The following MCMBP variants were observed in gnomAD, a reference collection of about 807,000 sequenced individuals.
MCMBP encodes mini-chromosome maintenance complex-binding protein.
Under a neutral mutation model 81.3 loss-of-function variants are expected in MCMBP, and 31 were observed. The observed-to-expected ratio is 0.38, with a 90% confidence interval of 0.29 to 0.51. MCMBP has a LOEUF of 0.51. MCMBP is among the 20% of genes least tolerant of loss of function. The pLI, the probability that MCMBP is intolerant of heterozygous loss-of-function variation, is 0.87. For synonymous variants in MCMBP, 267 were observed against 275.9 expected, an observed-to-expected ratio of 0.97 and a Z score of 0.32; for missense variants, 645 against 772.1, an observed-to-expected ratio of 0.84 and a Z score of 1.95.
intron 1 of MCMBP, among the ~76,000 whole-genome samples, chr10:119,871,995 C>G (rs1853691175): frequency 6.6e-6 from 1 of 152,188 alleles, no homozygotes; most frequent in African/African-American, 2.4e-5. Context: ...GAAAACTAAG[C>G]TATGAACATT....
chr10:119,842,763 C>G, intron 9 of MCMBP, 168 bp from the exon 10 acceptor site: 1 of 707,080 alleles, frequency 1.4e-6, no homozygotes, highest in Middle Eastern at 4.0e-4. Flanking sequence ...CAGTTTGCAT[C>G]CTCCTTTTTT....
In MCMBP at chr10:119,829,877, T is replaced by C. The variant is rs1181520180; in HGVS notation, c.*1597A>G. On this transcript the variant is annotated 3_prime_UTR_variant, in exon 16 of 16. Transcript: ENST00000369077. ...ACCAAGCAATGTATGTATTTTTCTTTGGTAAATTACAATTTACATTGGCAC... is the reference window on the plus strand; with the variant it reads ...ACCAAGCAATGTATGTATTTTTCTTCGGTAAATTACAATTTACATTGGCAC... The C allele has an allele frequency of 6.6e-6, 1 of 152,358 alleles. No individual in the cohort carries two copies. Among genetic ancestry groups the C allele is most frequent in the Admixed American group, 6.5e-5 (1 of 15,282 alleles). 9.4% of individuals were successfully genotyped at this position (152,358 alleles called of 1,614,324 possible).
At position 119,872,557 on chromosome 10, in the gene MCMBP, G is replaced by A. The variant is rs910656086; in HGVS notation, c.28C>T (p.His10Tyr). 2 of 1,187,360 alleles carry A rather than the reference G, an allele frequency of 1.7e-6. No homozygotes were observed. Among genetic ancestry groups the A allele is most frequent in the Non-Finnish European group, 2.1e-6 (2 of 952,010 alleles). 73.6% of individuals were successfully genotyped at this position (1,187,360 alleles called of 1,614,324 possible). Residue 10 changes from histidine to tyrosine, a missense_variant, in exon 1 of 16, where the codon CAC becomes TAC. Coordinates refer to ENST00000369077, the MANE Select transcript of MCMBP (RefSeq NM_001256378.2). ...AATCCCTGCACGATTCCCAGCGGGTGGCTGAGCCAATCCTCCCCACACGGC... is the reference window on the plus strand; with the variant it reads ...AATCCCTGCACGATTCCCAGCGGGTAGCTGAGCCAATCCTCCCCACACGGC... MPCGEDWLS[H>Y]PLGIVQGFFA...
chr10:119,872,367 G>A (rs1179526742), intron 1 of MCMBP, among the ~76,000 whole-genome samples, 160 bp downstream of exon 1: 2 of 151,966 alleles, frequency 1.3e-5, no homozygotes, highest in Non-Finnish European at 2.9e-5. Flanking sequence ...GACCGGGGGA[G>A]AGGCTGTCCC....
chr10:119,842,767 CTTTT>C (rs71019726), intron 9 of MCMBP, 172 bp from the exon 10 acceptor site: 85 of 487,722 alleles, frequency 1.7e-4, no homozygotes, highest in Non-Finnish European at 2.1e-4. Flanking sequence ...TTGCATCCTC[CTTTT>C]TTTTTTTTTT....
At chr10:119,865,444 T>C (rs1391585661) in intron 1 of MCMBP, among the ~76,000 whole-genome samples, 3 of 152,150 alleles carry the variant, frequency 2.0e-5, no homozygotes, top group African/African-American at 7.2e-5. Flanking sequence ...ATACAAAAGT[T>C]AGCTGGGCTT....
intron 14 of MCMBP, among the ~76,000 whole-genome samples, chr10:119,834,501 AAG>A: frequency 6.6e-6 from 1 of 152,254 alleles, no homozygotes; most frequent in Middle Eastern, 3.4e-3. Flanking sequence ...AGGAGAAATT[AAG>A]ACATTCCCAG....
rs377485644 is a variant in MCMBP, at chr10:119,831,432, G to A, written c.*42C>T. ...ATGAATATCTGAATTTTACAATTAT[G>A]TGGCTACAGTTTGCCCATTACTCTT... On this transcript the variant is annotated 3_prime_UTR_variant, in exon 16 of 16. Coordinates refer to ENST00000369077, the MANE Select transcript of MCMBP (RefSeq NM_001256378.2). 6.2e-6 allele frequency: 10 copies of A among 1,605,662 alleles called. No individual in the cohort carries two copies. Among genetic ancestry groups the A allele is most frequent in the Non-Finnish European group, 6.8e-6 (8 of 1,175,408 alleles).
chr10:119,832,004 C>CCACTTACCGAGCCA lies in MCMBP; in HGVS notation c.1790_1796+7dup. The CCACTTACCGAGCCA allele has an allele frequency of 6.2e-7, 1 of 1,607,006 alleles. No individual in the cohort carries two copies. The highest frequency in any genetic ancestry group is 8.5e-7 in the Non-Finnish European group (1 of 1,177,356). ...CCGAAACAGCAATAATGGACGTGCG[C>CCACTTACCGAGCCA]CACTTACCGAGCCACCACGAGCAGC... is the stretch of plus-strand genomic sequence containing the variant. On this transcript the variant is annotated splice_region_variant and intron_variant, in intron 15 of 15. Transcript: ENST00000369077.
At chr10:119,863,498 G>A (rs1347180383) in intron 1 of MCMBP, among the ~76,000 whole-genome samples, 4 of 152,006 alleles carry the variant, frequency 2.6e-5, no homozygotes, top group African/African-American at 9.7e-5. Context: ...TTGGGAGGCC[G>A]AGGCGGGCGG....
At chr10:119,866,416 AG>A (rs1853455857) in intron 1 of MCMBP, among the ~76,000 whole-genome samples, 1 of 152,206 alleles carries the variant, frequency 6.6e-6, no homozygotes, top group South Asian at 2.1e-4. Context: ...ACCTGAGATC[AG>A]GAGTTCAAGA....
chr10:119,868,992 C>G (rs1390659204), intron 1 of MCMBP, among the ~76,000 whole-genome samples: 1 of 152,138 alleles, frequency 6.6e-6, no homozygotes, highest in Non-Finnish European at 1.5e-5. Context: ...TTTAAAAGTC[C>G]TGGATCAGAT....
At chr10:119,838,254 TAAATG>T (rs1852316812) in intron 12 of MCMBP, among the ~76,000 whole-genome samples, 1 of 148,176 alleles carries the variant, frequency 6.7e-6, no homozygotes, top group South Asian at 2.1e-4. Flanking sequence ...TGATATATAT[TAAATG>T]AGACATTATA....
chr10:119,849,392 T>C, intron 7 of MCMBP, 33 bp downstream of exon 7: 2 of 1,589,156 alleles, frequency 1.3e-6, no homozygotes, highest in Non-Finnish European at 1.7e-6. Context: ...ACACATAACA[T>C]TTCAGTGTTG....
At chr10:119,860,005 T>C (rs1460168889) in intron 1 of MCMBP, 121 bp from the exon 2 acceptor site, 1 of 673,930 alleles carries the variant, frequency 1.5e-6, no homozygotes, top group Non-Finnish European at 2.5e-6. Flanking sequence ...GCTACTATGA[T>C]AGAATGAATT....
chr10:119,838,572 A>G lies in MCMBP; in HGVS notation c.1371T>C (p.Asp457=). The change falls in exon 12 of 16, where the codon GAT becomes GAC. Residue 457 remains aspartate, a synonymous_variant. Coordinates refer to ENST00000369077, the MANE Select transcript of MCMBP (RefSeq NM_001256378.2). ...GCTGCCCCTGTTCCAGGAGAGTCTCATCGATTACAAGGGAAGTATTGCTGG... is the reference window on the plus strand; with the variant it reads ...GCTGCCCCTGTTCCAGGAGAGTCTCGTCGATTACAAGGGAAGTATTGCTGG... ...QLPSNTSLVI[D]ETLLEQGQLD... is the part of the protein sequence containing the mutation. 6.2e-7 allele frequency: 1 copy of G among 1,613,692 alleles called. No homozygotes were observed. Among genetic ancestry groups the G allele is most frequent in the South Asian group, 1.1e-5 (1 of 91,072 alleles).
At chr10:119,833,508 A>G (rs1448416146) in intron 14 of MCMBP, among the ~76,000 whole-genome samples, 1 of 151,926 alleles carries the variant, frequency 6.6e-6, no homozygotes, top group East Asian at 1.9e-4. Flanking sequence ...AAAAGAAAAG[A>G]AAAAACAAAA....
rs778895235 is a variant in MCMBP at position 119,859,139 on chromosome 10, T to C, written c.187A>G (p.Asn63Asp). The change falls in exon 3 of 16, where the codon AAT (asparagine) becomes GAT (aspartate). Residue 63 changes from asparagine to aspartate, a missense_variant. Transcript: ENST00000369077. ...NEVPLHYLKP[N>D]SFVKFRCMIQ... ...ATGCAACGAAATTTCACAAAACTATTAGGTTTCAAATAATGAAGGGGAACT... is the reference window on the plus strand; with the variant it reads ...ATGCAACGAAATTTCACAAAACTATCAGGTTTCAAATAATGAAGGGGAACT... 22 of 1,613,866 alleles carry C rather than the reference T, an allele frequency of 1.4e-5. No homozygotes were observed. The East Asian group carries it at 2.0e-4, about 15-fold the overall frequency.
In MCMBP at chr10:119,832,919, C is replaced by G. The variant is rs535989979; in HGVS notation, c.1708-819G>C. On this transcript the variant is annotated intron_variant, in intron 14 of 15. Coordinates refer to ENST00000369077, the MANE Select transcript of MCMBP (RefSeq NM_001256378.2). ...ACATGTCTGTAGAGGGCTCTGAAAA[C>G]CTTAAGTATGTAACTCCTAGGAACT... is the stretch of plus-strand genomic sequence containing the variant. 5.9e-5 allele frequency among the ~76,000 whole-genome samples: 9 copies of G among 152,198 alleles called. No individual in the cohort carries two copies. In the South Asian group the frequency reaches 1.9e-3, roughly 32 times the overall value.
Sources: allele counts gnomAD v4.1 joint callset (sites outside exome capture counted in the v4.1 genomes callset), GRCh38; gene constraint gnomAD v4.1.1; transcripts MANE v1.5; gene names NCBI Gene and HGNC (gene_info 2026-07-23, HGNC 2026-07-21).